Variants in INPP5F observed in about 807,000 individuals in gnomAD.
The protein encoded by INPP5F is phosphatidylinositide 4-phosphatase SAC2.
A neutral mutation model predicts 137.2 loss-of-function variants in INPP5F; 97 were observed. The observed-to-expected ratio is 0.71, with a 90% CI of 0.60 to 0.84. INPP5F has a LOEUF of 0.84. INPP5F is among the 40% of genes least tolerant of loss of function. The pLI is 0.00. For missense variants in INPP5F, 1,271 were observed against 1,371.9 expected (o/e 0.93, Z 1.16); for synonymous variants, 504 against 476.9 (o/e 1.06, Z -0.74).
intron 12 of INPP5F, 122 bp from the exon 13 acceptor site, chr10:119,807,810 C>G (rs1272126074): frequency 1.1e-6 from 1 of 891,358 alleles, no homozygotes; most frequent in African/African-American, 1.7e-5. Flanking sequence ...TCTGAAAAGA[C>G]CATTTCTCTT....
At chr10:119,818,660 C>T (rs1313385173) in intron 15 of INPP5F, 2 of 152,372 alleles carry the variant, frequency 1.3e-5, no homozygotes, top group African/African-American at 4.8e-5. Flanking sequence ...AAGTGGGCGT[C>T]CGGAAGCTAG....
At chr10:119,796,670 G>T in intron 6 of INPP5F, 45 bp from the exon 7 acceptor site, 1 of 1,423,512 alleles carries the variant, frequency 7.0e-7, no homozygotes, top group Non-Finnish European at 9.9e-7. Context: ...GAAAGTAGCA[G>T]TGCTGTACAG....
At chr10:119,749,079 G>A (rs72842252) in intron 1 of INPP5F, among the ~76,000 whole-genome samples, 8,397 of 152,320 alleles carry the variant, frequency 0.055, 311 homozygotes, top group Admixed American at 0.1. Flanking sequence ...CGGTCGTGAC[G>A]GTCCCCAGGC....
intron 2 of INPP5F, among the ~76,000 whole-genome samples, chr10:119,766,651 A>ATG (rs1470327975): frequency 3.3e-5 from 5 of 152,192 alleles, no homozygotes; most frequent in Admixed American, 6.5e-5. Context: ...ATTCAAAGGC[A>ATG]TGTTAAGCAT....
At position 119,827,457 on chromosome 10, in the gene INPP5F, T is replaced by A; in HGVS notation, c.3076T>A (p.Leu1026Met). Residue 1026 changes from leucine (L) to methionine (M), a missense_variant, in exon 20 of 20, where the codon TTG becomes ATG. By Grantham distance (15) the Leu-to-Met change is conservative. Transcript: ENST00000650623. Reference sequence around the variant, plus strand: ...TCTTTCTGCAACAGGCCCACAGTTTTTGTCAGTTGAGCCAGCGCATTCAGT... The same window carrying A: ...TCTTTCTGCAACAGGCCCACAGTTTATGTCAGTTGAGCCAGCGCATTCAGT... Reference protein sequence around the residue: ...VSLSATGPQFLSVEPAHSVAS... With the variant: ...VSLSATGPQFMSVEPAHSVAS... 2 of 1,614,196 alleles carry A rather than the reference T, an allele frequency of 1.2e-6. No homozygotes were observed. Among genetic ancestry groups the A allele is most frequent in the Non-Finnish European group, 1.7e-6 (2 of 1,180,032 alleles).
At position 119,810,870 on chromosome 10, in the gene INPP5F, G is replaced by A. The variant is rs531926413; in HGVS notation, c.1687+653G>A. ...AACATAGCTGACCTGTGGTCCCTGA[G>A]GGTCTTTTTGAAATCTTATTTCTTC... On this transcript the variant is annotated intron_variant, in intron 14 of 19. Coordinates refer to ENST00000650623, the MANE Select transcript of INPP5F (RefSeq NM_014937.4). Among the ~76,000 whole-genome samples, 3 of 152,284 alleles carry A rather than the reference G, an allele frequency of 2.0e-5. No individual in the cohort carries two copies. In the South Asian group the frequency reaches 6.2e-4, roughly 32 times the overall value.
intron 2 of INPP5F, among the ~76,000 whole-genome samples, chr10:119,777,071 A>G (rs1849547771): frequency 1.3e-5 from 2 of 151,856 alleles, no homozygotes; most frequent in East Asian, 1.9e-4. Context: ...TTTAAAAACA[A>G]TTTTTAAAGG....
At chr10:119,758,438 A>G (rs1346400022) in intron 2 of INPP5F, among the ~76,000 whole-genome samples, 1 of 152,132 alleles carries the variant, frequency 6.6e-6, no homozygotes, top group East Asian at 1.9e-4. Flanking sequence ...TCTTCTCTTC[A>G]TTTTCTGTGT....
At chr10:119,786,856 TA>T (rs924064191) in intron 3 of INPP5F, among the ~76,000 whole-genome samples, 1 of 152,110 alleles carries the variant, frequency 6.6e-6, no homozygotes, top group African/African-American at 2.4e-5. Flanking sequence ...AAATCACTTT[TA>T]AGAGACAGAG....
intron 1 of INPP5F, among the ~76,000 whole-genome samples, chr10:119,750,691 G>A (rs1463370055): frequency 2.0e-5 from 3 of 152,216 alleles, no homozygotes; most frequent in South Asian, 2.1e-4. Flanking sequence ...GATCCAGTAA[G>A]TGGACAGCTC....
At position 119,797,512 on chromosome 10, in the gene INPP5F, A is replaced by G. The variant is rs772885998; in HGVS notation, c.920A>G (p.Tyr307Cys). 3 of 1,612,756 alleles carry G rather than the reference A, an allele frequency of 1.9e-6. No individual in the cohort carries two copies. Among genetic ancestry groups the G allele is most frequent in the Non-Finnish European group, 2.5e-6 (3 of 1,179,242 alleles). ...GATAAAAATGGAAATGTTGCCAATT[A>G]TGTGGAGACTGAGCAGTTGATTCAT... ...GVDKNGNVAN[Y>C]VETEQLIHVH... is the part of the protein sequence containing the mutation. The change falls in exon 8 of 20, where the codon TAT (tyrosine) becomes TGT (cysteine). Residue 307 changes from tyrosine (Y) to cysteine (C), a missense_variant. By Grantham distance (194) the Tyr-to-Cys change is radical. Around this residue, in one of 6 missense-constraint regions of INPP5F, gnomAD observed 593 missense variants for 712.4 expected, o/e 0.83. Transcript: ENST00000650623.
At chr10:119,738,268 C>G (rs147225259) in intron 1 of INPP5F, among the ~76,000 whole-genome samples, 7 of 152,282 alleles carry the variant, frequency 4.6e-5, no homozygotes, top group Non-Finnish European at 4.4e-5. Context: ...GTAAGCAACT[C>G]TTTTCCTTAT....
Position 119,829,134 on chromosome 10 carries a change from G to GT in INPP5F, c.*1355dup, listed in dbSNP as rs1297925563. The GT allele has an allele frequency of 7.2e-5, 11 of 152,158 alleles. No homozygotes were observed. Among genetic ancestry groups the GT allele is most frequent in the Non-Finnish European group, 1.6e-4 (11 of 67,958 alleles). 9.4% of individuals were successfully genotyped at this position (152,158 alleles called of 1,614,324 possible). A position where few individuals can be genotyped will look rare whatever the true frequency, so the allele number is the denominator to read the frequency against. On this transcript the variant is annotated 3_prime_UTR_variant, in exon 20 of 20. Transcript: ENST00000650623. ...GTGATTATTAAAATAAAGTACCATT[G>GT]TAATTTAAAGTGACAAATGGGTATG...
In INPP5F at chr10:119,781,783, A is replaced by G. The variant is rs372168852; in HGVS notation, c.315+12A>G. ...ATCTTGAGCTAGAGGTAGGTGAAAT[A>G]AAGGGAAATTATATGGAAACCTGAT... On this transcript the variant is annotated intron_variant, in intron 3 of 19. Coordinates refer to ENST00000650623, the MANE Select transcript of INPP5F (RefSeq NM_014937.4). 1.1e-5 allele frequency: 18 copies of G among 1,581,768 alleles called. No individual in the cohort carries two copies. In the African/African-American group the frequency reaches 1.6e-4, roughly 14 times the overall value.
intron 12 of INPP5F, 25 bp from the exon 13 acceptor site, chr10:119,807,907 T>G: frequency 1.9e-6 from 3 of 1,593,162 alleles, no homozygotes; most frequent in Non-Finnish European, 2.6e-6. Context: ...CATATACAGT[T>G]AATCCACCAA....
chr10:119,743,674 A>G (rs920672342), intron 1 of INPP5F, among the ~76,000 whole-genome samples: 2 of 149,960 alleles, frequency 1.3e-5, no homozygotes, highest in Admixed American at 6.6e-5. Flanking sequence ...GGGGGGATGG[A>G]AAGGACTAGC....
At chr10:119,756,358 C>T (rs536176028) in intron 2 of INPP5F, among the ~76,000 whole-genome samples, 5 of 151,684 alleles carry the variant, frequency 3.3e-5, no homozygotes, top group South Asian at 4.2e-4. Flanking sequence ...GTCACAGGCC[C>T]GACATGGTGA....
intron 15 of INPP5F, among the ~76,000 whole-genome samples, chr10:119,813,817 T>C (rs1851144654): frequency 6.6e-6 from 1 of 152,098 alleles, no homozygotes. Flanking sequence ...GGCAATGTAG[T>C]GAGACACTGT....
At chr10:119,747,227 T>G (rs1168817087) in intron 1 of INPP5F, among the ~76,000 whole-genome samples, 1 of 152,100 alleles carries the variant, frequency 6.6e-6, no homozygotes, top group Non-Finnish European at 1.5e-5. Flanking sequence ...TCAAAATTAT[T>G]AATTTTTTTT....
Sources: gnomAD v4.1 joint callset for allele counts (sites outside exome capture counted in the v4.1 genomes callset) on GRCh38, gnomAD v4.1.1 for gene constraint, gnomAD v4.1.1 regional missense constraint, MANE v1.5 for transcripts, NCBI Gene and HGNC (gene_info 2026-07-23, HGNC 2026-07-21) for gene names.